GLI3: variants seen among roughly 807,000 people sequenced by gnomAD.
GLI3 encodes transcription activator GLI3.
A neutral mutation model predicts 100.8 loss-of-function variants in GLI3; 20 were observed. The ratio of observed to expected loss-of-function variants is 0.20; its 90% CI spans 0.14 to 0.29. GLI3 has a LOEUF of 0.29. Among genes scored for constraint, GLI3 ranks in the 10% least tolerant of loss-of-function variants. The probability of loss-of-function intolerance (pLI) is 1.00; values close to 1 mark genes in which losing one functional copy is unlikely to be tolerated. For missense variants in GLI3, 2,040 were observed against 2,128.5 expected, an observed-to-expected ratio of 0.96 and a Z score of 0.82; for synonymous variants, 938 against 860.5, an observed-to-expected ratio of 1.09 and a Z score of -1.58.
chr7:42,141,735 CA>C (rs1786573070), intron 3 of GLI3, among the ~76,000 whole-genome samples: 1 of 152,120 alleles, frequency 6.6e-6, no homozygotes, highest in African/African-American at 2.4e-5. Context: ...ATACTTTGTA[CA>C]TTGCCTGCTC....
intron 7 of GLI3, among the ~76,000 whole-genome samples, chr7:42,037,747 A>G (rs188033658): frequency 6.6e-6 from 1 of 152,274 alleles, no homozygotes; most frequent in Admixed American, 6.5e-5. Flanking sequence ...TCCATCTCTA[A>G]TGATATAAAG....
At chr7:42,148,932 G>T (rs569003986) in intron 2 of GLI3, among the ~76,000 whole-genome samples, 16 of 152,316 alleles carry the variant, frequency 1.1e-4, no homozygotes, top group Non-Finnish European at 2.2e-4. Flanking sequence ...CTGAGGCTCT[G>T]GTTGCTCCAG....
chr7:42,231,783 CA>C, intron 1 of GLI3, among the ~76,000 whole-genome samples: 1 of 152,114 alleles, frequency 6.6e-6, no homozygotes, highest in South Asian at 2.1e-4. Flanking sequence ...TTCATTACTG[CA>C]ATTTGAAACT....
At chr7:42,085,068 C>A (rs1025427826) in intron 3 of GLI3, among the ~76,000 whole-genome samples, 1 of 151,708 alleles carries the variant, frequency 6.6e-6, no homozygotes, top group Admixed American at 6.6e-5. Context: ...CCCACCACCA[C>A]GCCCGGCTAA....
upstream of GLI3, among the ~76,000 whole-genome samples, chr7:42,241,766 T>G (rs1024660057): frequency 6.6e-6 from 1 of 152,172 alleles, no homozygotes; most frequent in South Asian, 2.1e-4. Flanking sequence ...GTTGGGAAGA[T>G]CTAAAACCCT....
chr7:42,135,444 A>G (rs1786405629), intron 3 of GLI3, among the ~76,000 whole-genome samples: 1 of 152,242 alleles, frequency 6.6e-6, no homozygotes, highest in Non-Finnish European at 1.5e-5. Context: ...ATCTCAGGTC[A>G]AATCAAGTCC....
At chr7:42,056,511 A>G (rs1784464191) in intron 4 of GLI3, among the ~76,000 whole-genome samples, 1 of 152,230 alleles carries the variant, frequency 6.6e-6, no homozygotes, top group South Asian at 2.1e-4. Flanking sequence ...GGGCTAGAAT[A>G]TTGCTTAACG....
chr7:42,232,032 T>A (rs1788704704), intron 1 of GLI3, among the ~76,000 whole-genome samples: 1 of 152,164 alleles, frequency 6.6e-6, no homozygotes, highest in African/African-American at 2.4e-5. Context: ...ATTACTTAAT[T>A]AATTTAATTT....
rs113489634 is a variant in GLI3, at chr7:42,235,714, C to T, written c.-43+1257G>A. Among the ~76,000 whole-genome samples, 233 of 152,288 alleles carry T rather than the reference C, an allele frequency of 1.5e-3. 1 individual carries two copies. The highest frequency in any genetic ancestry group is 5.3e-3 in the African/African-American group (219 of 41,558). ...ATACCAGCCCGGCTAATGGCACTGC[C>T]ATGTATTTGCACAGCGGCCGGCCCT... On this transcript the variant is annotated intron_variant, in intron 1 of 14. Coordinates refer to ENST00000395925, the MANE Select transcript of GLI3 (RefSeq NM_000168.6).
At chr7:42,164,700 T>A (rs1455794876) in intron 2 of GLI3, among the ~76,000 whole-genome samples, 1 of 151,414 alleles carries the variant, frequency 6.6e-6, no homozygotes, top group Non-Finnish European at 1.5e-5. Flanking sequence ...CGTGGTGGCC[T>A]GTGGCTGTAG....
At chr7:42,260,483 G>A (rs564593248) in intron 1 of GLI3, among the ~76,000 whole-genome samples, 1 of 152,276 alleles carries the variant, frequency 6.6e-6, no homozygotes, top group East Asian at 1.9e-4. Context: ...GTGTGTATAA[G>A]TATATACCTA....
intron 13 of GLI3, among the ~76,000 whole-genome samples, chr7:41,968,763 G>GAAGGAAAGAAAGAAAGAAA (rs1491137662): frequency 3.5e-5 from 2 of 56,748 alleles, no homozygotes; most frequent in African/African-American, 1.6e-4. Flanking sequence ...AAAGAAAGAA[G>GAAGGAAAGAAAGAAAGAAA]GAAAGAAAGA....
intron 10 of GLI3, among the ~76,000 whole-genome samples, chr7:41,982,513 C>G (rs188148819): frequency 6.6e-6 from 1 of 151,984 alleles, no homozygotes; most frequent in East Asian, 1.9e-4. Context: ...AGCTCCAAGA[C>G]CAGCCTGAGC....
intron 2 of GLI3, among the ~76,000 whole-genome samples, chr7:42,180,227 T>C (rs1174013699): frequency 1.3e-5 from 2 of 152,112 alleles, no homozygotes; most frequent in Non-Finnish European, 2.9e-5. Flanking sequence ...ACCCCTGTCA[T>C]CATGTCAAGC....
intron 3 of GLI3, among the ~76,000 whole-genome samples, chr7:42,096,567 C>T (rs1785342681): frequency 6.6e-6 from 1 of 152,122 alleles, no homozygotes; most frequent in Non-Finnish European, 1.5e-5. Context: ...AAAGCGGTCA[C>T]ACCTTTGCTG....
chr7:41,997,650 T>G (rs1270310375), intron 10 of GLI3, among the ~76,000 whole-genome samples: 1 of 152,224 alleles, frequency 6.6e-6, no homozygotes, highest in Non-Finnish European at 1.5e-5. Context: ...AAATGATACC[T>G]TCTGCTTTGC....
At position 42,033,718 on chromosome 7, in the gene GLI3, AT is replaced by A. The variant is rs111702567; in HGVS notation, c.1028+6319del. On this transcript the variant is annotated intron_variant, in intron 7 of 14. Transcript: ENST00000395925. ...CACAACAGCTGCCATCCAAAGAACC[AT>A]TTTTTTTTTCCAGTTTTGCAGAGAA... 1.4e-3 allele frequency among the ~76,000 whole-genome samples: 214 copies of A among 150,048 alleles called. 1 individual carries two copies. The highest frequency in any genetic ancestry group is 4.4e-3 in the African/African-American group (181 of 40,920).
chr7:42,149,282 T>G (rs1165975866), intron 2 of GLI3, among the ~76,000 whole-genome samples: 1 of 152,228 alleles, frequency 6.6e-6, no homozygotes, highest in East Asian at 1.9e-4. Context: ...GGTCCATACA[T>G]TTCTTCAAAC....
intron 3 of GLI3, among the ~76,000 whole-genome samples, chr7:42,144,545 T>C (rs953736484): frequency 2.0e-5 from 3 of 152,162 alleles, no homozygotes; most frequent in Non-Finnish European, 4.4e-5. Context: ...TTTTTTCTTT[T>C]TTTTTTAAGC....
Sources: allele counts gnomAD v4.1 joint callset (sites outside exome capture counted in the v4.1 genomes callset), GRCh38; gene constraint gnomAD v4.1.1; transcripts MANE v1.5; gene names NCBI Gene and HGNC (gene_info 2026-07-23, HGNC 2026-07-21).